Variants in MAGI2 observed in about 807,000 individuals in gnomAD.
MAGI2 encodes the protein membrane associated guanylate kinase, WW and PDZ domain containing 2, also known as membrane-associated guanylate kinase, WW and PDZ domain-containing protein 2.
MAGI2 carries 35 observed loss-of-function variants against 133.3 expected under a neutral mutation model. That is an observed-to-expected ratio of 0.26 (90% CI 0.20 to 0.35). The LOEUF (loss-of-function observed/expected upper bound fraction) is 0.35, where lower values mean the gene tolerates loss of function less well. Ranked by LOEUF, MAGI2 falls within the 10% of genes least tolerant of loss-of-function variation. The pLI is 1.00. For synonymous variants in MAGI2, 729 were observed against 710.6 expected (o/e 1.03, Z -0.41); for missense variants, 1,636 against 1,863.4 (o/e 0.88, Z 2.25).
intron 9 of MAGI2, among the ~76,000 whole-genome samples, chr7:78,285,405 T>C (rs532360206): frequency 2.5e-4 from 38 of 152,268 alleles, no homozygotes; most frequent in African/African-American, 7.0e-4. Context: ...TATTTGTGAG[T>C]AATTTTGCTA....
intron 3 of MAGI2, among the ~76,000 whole-genome samples, chr7:78,588,233 T>G (rs957170576): frequency 3.9e-5 from 6 of 152,164 alleles, no homozygotes; most frequent in African/African-American, 1.4e-4. Context: ...TGGAGGAAGA[T>G]TTCATCTCAA....
At chr7:79,094,606 G>C (rs939234488) in intron 1 of MAGI2, among the ~76,000 whole-genome samples, 2 of 152,154 alleles carry the variant, frequency 1.3e-5, no homozygotes, top group Non-Finnish European at 2.9e-5. Context: ...AGCCTTATGA[G>C]ATGTATTTCT....
intron 2 of MAGI2, among the ~76,000 whole-genome samples, chr7:78,736,256 AAC>A (rs1821834654): frequency 6.6e-6 from 1 of 152,198 alleles, no homozygotes; most frequent in African/African-American, 2.4e-5. Context: ...AGTATCTAAT[AAC>A]AGTTTTTTTC....
chr7:78,687,177 T>A (rs1191603137), intron 2 of MAGI2, among the ~76,000 whole-genome samples: 1 of 152,122 alleles, frequency 6.6e-6, no homozygotes. Flanking sequence ...TTCTTCTCAC[T>A]CCTAAGCAGA....
intron 6 of MAGI2, among the ~76,000 whole-genome samples, chr7:78,475,397 A>G (rs1791641972): frequency 6.6e-6 from 1 of 152,022 alleles, no homozygotes; most frequent in Non-Finnish European, 1.5e-5. Flanking sequence ...TTTTAGGAAA[A>G]GGCAGTTTTA....
chr7:78,255,737 G>A (rs1792898411), intron 10 of MAGI2: 8 of 630,934 alleles, frequency 1.3e-5, no homozygotes, highest in Admixed American at 5.9e-5. Flanking sequence ...TATTATTATT[G>A]TGTTTAATAC....
At chr7:78,510,237 G>A (rs1399907182) in intron 4 of MAGI2, among the ~76,000 whole-genome samples, 1 of 152,150 alleles carries the variant, frequency 6.6e-6, no homozygotes, top group South Asian at 2.1e-4. Flanking sequence ...AGGCCACCTA[G>A]GTTTGAATCT....
chr7:78,893,461 C>G lies in MAGI2; in HGVS notation c.418+113629G>C, dbSNP rs1796937984. Among the ~76,000 whole-genome samples, 4 of 152,040 alleles carry G rather than the reference C, an allele frequency of 2.6e-5. No homozygotes were observed. In the South Asian group the frequency reaches 8.3e-4, roughly 32 times the overall value. On this transcript the variant is annotated intron_variant, in intron 2 of 21. Transcript: ENST00000354212. The stretch of plus-strand genomic sequence containing the variant: ...TTTATTGCGGCACTATTCACAATAG[C>G]AAAGACTTGGAACCAACCCAAATGT...
intron 8 of MAGI2, among the ~76,000 whole-genome samples, chr7:78,344,732 A>G (rs1790727201): frequency 6.6e-6 from 1 of 152,226 alleles, no homozygotes; most frequent in African/African-American, 2.4e-5. Context: ...TTTTGTCACA[A>G]TATGTTGATA....
chr7:78,740,773 A>C (rs1822338529), intron 2 of MAGI2, among the ~76,000 whole-genome samples: 1 of 152,204 alleles, frequency 6.6e-6, no homozygotes, highest in Non-Finnish European at 1.5e-5. Flanking sequence ...TAGAGTCATT[A>C]AAATGTATAC....
rs934412349 is a variant in MAGI2 at position 78,160,166 on chromosome 7, T to C, written c.2704A>G (p.Ser902Gly). ...TYTNSNHAAP[S>G]SNASPPEGFA... is the part of the protein sequence containing the mutation. ...CCTTCAGGGGGAGAGGCATTGCTAC[T>C]GGGGGCAGCGTGGTTGCTGTTGGTG... Residue 902 changes from serine (S) to glycine (G), a missense_variant, in exon 16 of 22, where the codon AGT (serine) becomes GGT (glycine). By Grantham distance (56) the Ser-to-Gly change is moderately conservative. Around this residue, in one of 5 missense-constraint regions of MAGI2, gnomAD observed 920 missense variants for 1,093.5 expected, o/e 0.84. Coordinates refer to ENST00000354212, the MANE Select transcript of MAGI2 (RefSeq NM_012301.4). 1.9e-6 allele frequency: 3 copies of C among 1,612,752 alleles called. No homozygotes were observed. The African/African-American group carries it at 4.0e-5, about 22-fold the overall frequency.
chr7:79,142,545 A>G (rs1822239454), intron 1 of MAGI2, among the ~76,000 whole-genome samples: 2 of 152,110 alleles, frequency 1.3e-5, no homozygotes, highest in Non-Finnish European at 2.9e-5. Flanking sequence ...GAACATGGAG[A>G]ATGTTTTGCT....
In MAGI2 at chr7:78,203,350, T is replaced by C. The variant is rs1584377398; in HGVS notation, c.2048-2157A>G. Among the ~76,000 whole-genome samples, 6 of 152,328 alleles carry C rather than the reference T, an allele frequency of 3.9e-5. No homozygotes were observed. The East Asian group carries it at 1.2e-3, about 29-fold the overall frequency. On this transcript the variant is annotated intron_variant, in intron 10 of 21. Coordinates refer to ENST00000354212, the MANE Select transcript of MAGI2 (RefSeq NM_012301.4). ...TATCTTGAAAGATGATTTTCCCTCC[T>C]ATAGAAAATGTATAATCATCTACCG... is the stretch of plus-strand genomic sequence containing the variant.
chr7:78,476,552 A>G (rs1042831220), intron 6 of MAGI2, among the ~76,000 whole-genome samples: 3 of 151,984 alleles, frequency 2.0e-5, no homozygotes, highest in African/African-American at 7.2e-5. Context: ...TTGATTTTGC[A>G]TTGCTGATTT....
intron 3 of MAGI2, among the ~76,000 whole-genome samples, chr7:78,571,221 T>C (rs1313026672): frequency 1.3e-5 from 2 of 152,164 alleles, no homozygotes; most frequent in African/African-American, 2.4e-5. Context: ...AGCATTACAT[T>C]TGAGAAAGAG....
At chr7:78,686,700 T>C (rs1385023844) in intron 2 of MAGI2, among the ~76,000 whole-genome samples, 1 of 152,172 alleles carries the variant, frequency 6.6e-6, no homozygotes. Context: ...TGAGTGCATA[T>C]TTCTGAAAAA....
intron 6 of MAGI2, among the ~76,000 whole-genome samples, chr7:78,425,693 T>C (rs1394419782): frequency 6.6e-5 from 10 of 152,330 alleles, no homozygotes; most frequent in African/African-American, 2.4e-4. Context: ...TCAGTCAGAA[T>C]GGAGAAACCT....
intron 1 of MAGI2, among the ~76,000 whole-genome samples, chr7:79,089,682 C>T (rs992265060): frequency 6.6e-6 from 1 of 152,022 alleles, no homozygotes; most frequent in African/African-American, 2.4e-5. Flanking sequence ...TGGAAACCCT[C>T]ATTCTCAGCA....
At chr7:78,948,381 CAGCTTTTCAGAT>C (rs1801604337) in intron 2 of MAGI2, among the ~76,000 whole-genome samples, 1 of 150,978 alleles carries the variant, frequency 6.6e-6, no homozygotes, top group African/African-American at 2.5e-5. Flanking sequence ...ACTTGAGTCC[CAGCTTTTCAGAT>C]AGCTTTTCAG....
Sources: allele counts gnomAD v4.1 joint callset (sites outside exome capture counted in the v4.1 genomes callset), GRCh38; gene constraint gnomAD v4.1.1; regional missense constraint gnomAD v4.1.1; transcripts MANE v1.5; gene names NCBI Gene and HGNC (gene_info 2026-07-23, HGNC 2026-07-21).